The following SORCS2 variants were observed in gnomAD, a reference collection of about 807,000 sequenced individuals.
The protein encoded by SORCS2 is sortilin related VPS10 domain containing receptor 2, also known as VPS10 domain-containing receptor SorCS2.
A neutral mutation model predicts 141.6 loss-of-function variants in SORCS2; 100 were observed. That is an observed-to-expected ratio of 0.71 (90% CI 0.60 to 0.83). The LOEUF (loss-of-function observed/expected upper bound fraction) is 0.83. Among genes scored for constraint, SORCS2 ranks in the 40% least tolerant of loss-of-function variants. The pLI, the probability that SORCS2 is intolerant of heterozygous loss-of-function variation, is 0.00. For missense variants in SORCS2, 1,646 were observed against 1,560.2 expected (o/e 1.05, Z -0.93); for synonymous variants, 789 against 676.9 (o/e 1.17, Z -2.57).
At chr4:7,280,906 C>T (rs553201235) in intron 1 of SORCS2, among the ~76,000 whole-genome samples, 1 of 152,276 alleles carries the variant, frequency 6.6e-6, no homozygotes, top group East Asian at 1.9e-4. Context: ...ATCCAGCACT[C>T]GGTAGGCATG....
chr4:7,675,912 G>A (rs887597084), intron 8 of SORCS2, 138 bp from the exon 9 acceptor site: 23 of 912,982 alleles, frequency 2.5e-5, no homozygotes, highest in Non-Finnish European at 3.6e-5. Flanking sequence ...AGCCGAGCCA[G>A]GAGGCAAACC....
At chr4:7,614,520 T>G (rs1718627255) in intron 3 of SORCS2, among the ~76,000 whole-genome samples, 1 of 150,612 alleles carries the variant, frequency 6.6e-6, no homozygotes, top group Non-Finnish European at 1.5e-5. Flanking sequence ...CATCTATTCA[T>G]CCACTCTTCC....
At chr4:7,291,286 G>C (rs1480799640) in intron 1 of SORCS2, among the ~76,000 whole-genome samples, 1 of 152,148 alleles carries the variant, frequency 6.6e-6, no homozygotes, top group Non-Finnish European at 1.5e-5. Context: ...GCAGGACAGG[G>C]GTGTGGTCGT....
intron 2 of SORCS2, among the ~76,000 whole-genome samples, chr4:7,474,290 C>T (rs555085845): frequency 3.3e-5 from 5 of 152,338 alleles, no homozygotes; most frequent in East Asian, 3.9e-4. Flanking sequence ...GTGAGGTCAG[C>T]GGGCAGAGCC....
At chr4:7,240,062 A>G (rs1712584982) in intron 1 of SORCS2, among the ~76,000 whole-genome samples, 1 of 152,086 alleles carries the variant, frequency 6.6e-6, no homozygotes. Flanking sequence ...CCGGTTTCTA[A>G]TTTCAGCTCT....
intron 2 of SORCS2, among the ~76,000 whole-genome samples, chr4:7,470,336 T>C (rs1175424229): frequency 6.6e-6 from 1 of 151,506 alleles, no homozygotes; most frequent in Middle Eastern, 3.4e-3. Flanking sequence ...CACCCACACA[T>C]CCATCCTCTC....
intron 1 of SORCS2, among the ~76,000 whole-genome samples, chr4:7,328,964 C>T (rs1167769524): frequency 3.3e-5 from 5 of 152,214 alleles, no homozygotes; most frequent in Non-Finnish European, 7.3e-5. Flanking sequence ...CCGCTCTTGG[C>T]TGACAACGGC....
chr4:7,211,778 G>A (rs1234229373), intron 1 of SORCS2, among the ~76,000 whole-genome samples: 1 of 152,168 alleles, frequency 6.6e-6, no homozygotes, highest in Non-Finnish European at 1.5e-5. Flanking sequence ...TGTGAGAGGA[G>A]GGGTTGGGGG....
At position 7,734,312 on chromosome 4, in the gene SORCS2, A is replaced by AGTGGTGCTGTTTGTC; in HGVS notation, c.3250_3264dup (p.Val1084_Val1088dup). 1 of 1,603,108 alleles carries AGTGGTGCTGTTTGTC rather than the reference A, an allele frequency of 6.2e-7. No individual in the cohort carries two copies. Among genetic ancestry groups the AGTGGTGCTGTTTGTC allele is most frequent in the Non-Finnish European group, 8.5e-7 (1 of 1,175,742 alleles). The stretch of plus-strand genomic sequence containing the variant: ...GCGGCGGTGGCGGCTACTGGGCGGT[A>AGTGGTGCTGTTTGTC]GTGGTGCTGTTTGTCATCGGGCTCT... On this transcript the variant is annotated inframe_insertion, in exon 25 of 27. Transcript: ENST00000507866.
At chr4:7,647,246 C>G (rs1721140737) in intron 4 of SORCS2, among the ~76,000 whole-genome samples, 1 of 152,192 alleles carries the variant, frequency 6.6e-6, no homozygotes, top group African/African-American at 2.4e-5. Flanking sequence ...AAGACAGACT[C>G]TCAACCTCCT....
chr4:7,671,365 A>C (rs529427085), intron 8 of SORCS2, among the ~76,000 whole-genome samples: 1 of 152,312 alleles, frequency 6.6e-6, no homozygotes, highest in Admixed American at 6.5e-5. Context: ...AATTAACATA[A>C]ACCTTCCCTG....
At chr4:7,719,842 C>G (rs1002465958) in intron 18 of SORCS2, among the ~76,000 whole-genome samples, 1 of 152,208 alleles carries the variant, frequency 6.6e-6, no homozygotes, top group African/African-American at 2.4e-5. Flanking sequence ...GGGCCGGGAC[C>G]CTTGCTGGGC....
At chr4:7,658,370 G>C (rs1721942479) in intron 5 of SORCS2, among the ~76,000 whole-genome samples, 1 of 151,158 alleles carries the variant, frequency 6.6e-6, no homozygotes, top group South Asian at 2.1e-4. Context: ...CTGTGCCCCA[G>C]GTGTCATTGC....
intron 3 of SORCS2, among the ~76,000 whole-genome samples, chr4:7,533,439 C>T (rs1386913123): frequency 1.3e-5 from 2 of 152,202 alleles, no homozygotes; most frequent in East Asian, 1.9e-4. Flanking sequence ...GGAGGCCACG[C>T]CCCCCACCTC....
Position 7,531,643 on chromosome 4 carries a change from G to A in SORCS2, c.648+14G>A. The A allele has an allele frequency of 6.2e-7, 1 of 1,609,500 alleles. No homozygotes were observed. ...AACAAGAGGAAGGTAGGTGCTGGCTGGGGGTGGCCGCCACTCTGGCTCTCG... is the reference window on the plus strand; with the variant it reads ...AACAAGAGGAAGGTAGGTGCTGGCTAGGGGTGGCCGCCACTCTGGCTCTCG... On this transcript the variant is annotated intron_variant, in intron 3 of 26. Coordinates refer to ENST00000507866, the MANE Select transcript of SORCS2 (RefSeq NM_020777.3).
intron 22 of SORCS2, among the ~76,000 whole-genome samples, chr4:7,728,888 A>G (rs1336780883): frequency 1.3e-5 from 2 of 152,194 alleles, no homozygotes; most frequent in African/African-American, 4.8e-5. Context: ...GGTGGCAGAC[A>G]TCAGGGCGGG....
chr4:7,416,754 G>A lies in SORCS2; in HGVS notation c.548+20399G>A, dbSNP rs79166091. 4.7e-3 allele frequency among the ~76,000 whole-genome samples: 709 copies of A among 150,386 alleles called. 5 individuals are homozygous for A. The highest frequency in any genetic ancestry group is 0.016 in the African/African-American group (659 of 40,732). ...CACACGCATGCACACACACTTGTGC[G>A]CACACAGACACATGCATGCATGTAC... On this transcript the variant is annotated intron_variant, in intron 2 of 26. Transcript: ENST00000507866.
intron 1 of SORCS2, among the ~76,000 whole-genome samples, chr4:7,267,458 TCTC>T (rs1172366805): frequency 2.0e-5 from 3 of 151,910 alleles, no homozygotes; most frequent in African/African-American, 4.8e-5. Flanking sequence ...TCTCTGCAGA[TCTC>T]CTCCTGGCCA....
At chr4:7,422,676 C>T (rs114176005) in intron 2 of SORCS2, among the ~76,000 whole-genome samples, 140 of 152,296 alleles carry the variant, frequency 9.2e-4, no homozygotes, top group African/African-American at 2.3e-3. Flanking sequence ...CATCCACCTG[C>T]AATTCCTCCA....
Sources: allele counts gnomAD v4.1 joint callset (sites outside exome capture counted in the v4.1 genomes callset), GRCh38; gene constraint gnomAD v4.1.1; transcripts MANE v1.5; gene names NCBI Gene and HGNC (gene_info 2026-07-23, HGNC 2026-07-21).